MAPKAP1: variants seen among roughly 807,000 people sequenced by gnomAD.
MAPKAP1 encodes the protein target of rapamycin complex 2 subunit MAPKAP1.
Under a neutral mutation model 65.7 loss-of-function variants are expected in MAPKAP1, and 20 were observed. That is an observed-to-expected ratio of 0.30 (90% CI 0.21 to 0.44). The LOEUF (loss-of-function observed/expected upper bound fraction) is 0.44, where lower values mean the gene tolerates loss of function less well. MAPKAP1 is among the 20% of genes least tolerant of loss of function. The pLI is 1.00. For missense variants in MAPKAP1, 423 were observed against 648.0 expected (o/e 0.65, Z 3.77); for synonymous variants, 222 against 244.3 (o/e 0.91, Z 0.85).
intron 9 of MAPKAP1, among the ~76,000 whole-genome samples, chr9:125,474,191 G>A (rs1213967297): frequency 1.3e-5 from 2 of 152,134 alleles, no homozygotes; most frequent in South Asian, 2.1e-4. Context: ...TTCTCCCTGG[G>A]ACCTTCTCTA....
intron 4 of MAPKAP1, among the ~76,000 whole-genome samples, chr9:125,629,086 CACACA>C (rs1833197544): frequency 6.6e-6 from 1 of 150,404 alleles, no homozygotes; most frequent in South Asian, 2.1e-4. Context: ...CACACACACA[CACACA>C]CCAGAAAATA....
At position 125,698,278 on chromosome 9, in the gene MAPKAP1, AATATATATAAATATATATAT is replaced by A. The variant is rs1291045478; in HGVS notation, c.-70+8673_-70+8692del. On this transcript the variant is annotated intron_variant, in intron 1 of 11. Transcript: ENST00000265960. ...TAATTTATAAATATATATAATACAT[AATATATATAAATATATATAT>A]ATATATATATATATATATATATATA... 9.0e-4 allele frequency among the ~76,000 whole-genome samples: 24 copies of A among 26,610 alleles called. 1 individual carries two copies. The highest frequency in any genetic ancestry group is 4.4e-3 in the African/African-American group (17 of 3,878). 17.5% of individuals were successfully genotyped at this position (26,610 alleles called of 152,430 possible). A position where few individuals can be genotyped will look rare whatever the true frequency, so the allele number is the denominator to read the frequency against.
At chr9:125,657,081 T>C (rs930478966) in intron 4 of MAPKAP1, among the ~76,000 whole-genome samples, 11 of 152,172 alleles carry the variant, frequency 7.2e-5, no homozygotes, top group East Asian at 1.9e-4. Flanking sequence ...CAACAATTTC[T>C]ACAGTTATAA....
intron 7 of MAPKAP1, among the ~76,000 whole-genome samples, chr9:125,516,440 AAC>A (rs1829463847): frequency 6.6e-6 from 1 of 152,226 alleles, no homozygotes; most frequent in South Asian, 2.1e-4. Flanking sequence ...CCTTAAGAGT[AAC>A]AGAGCCTAAA....
chr9:125,625,203 C>T, intron 4 of MAPKAP1, among the ~76,000 whole-genome samples: 1 of 108,850 alleles, frequency 9.2e-6, no homozygotes, highest in East Asian at 2.9e-4. Flanking sequence ...CCTGCCAAAT[C>T]CCCCTCTGTG....
intron 4 of MAPKAP1, among the ~76,000 whole-genome samples, chr9:125,656,375 C>T (rs1247823868): frequency 1.3e-5 from 2 of 152,218 alleles, no homozygotes; most frequent in Admixed American, 6.5e-5. Context: ...TACATCAATA[C>T]AGTCTATAAC....
chr9:125,477,072 G>T (rs1854137989), intron 9 of MAPKAP1, among the ~76,000 whole-genome samples: 1 of 152,106 alleles, frequency 6.6e-6, no homozygotes, highest in Non-Finnish European at 1.5e-5. Context: ...ATACATACTG[G>T]ACAGTTTTAT....
At chr9:125,602,067 A>ATT (rs1832313883) in intron 4 of MAPKAP1, among the ~76,000 whole-genome samples, 1 of 152,104 alleles carries the variant, frequency 6.6e-6, no homozygotes, top group Admixed American at 6.6e-5. Context: ...AGCCAAGGCA[A>ATT]TATAAAGAGA....
At chr9:125,522,276 T>C (rs1472019571) in intron 7 of MAPKAP1, among the ~76,000 whole-genome samples, 1 of 152,246 alleles carries the variant, frequency 6.6e-6, no homozygotes, top group Non-Finnish European at 1.5e-5. Flanking sequence ...CAATCAACTA[T>C]AAACTTATCA....
chr9:125,598,630 A>G (rs1260014029), intron 4 of MAPKAP1, among the ~76,000 whole-genome samples: 1 of 152,220 alleles, frequency 6.6e-6, no homozygotes, highest in Admixed American at 6.5e-5. Context: ...ATTATAAGCA[A>G]TGCCACTTAC....
In MAPKAP1 at chr9:125,652,142, G is replaced by A. The variant is rs555075033; in HGVS notation, c.498+5509C>T. 28 of 1,306,284 alleles carry A rather than the reference G, an allele frequency of 2.1e-5. No individual in the cohort carries two copies. In the African/African-American group the frequency reaches 3.0e-4, roughly 14 times the overall value. 80.9% of individuals were successfully genotyped at this position (1,306,284 alleles called of 1,614,324 possible). A position where few individuals can be genotyped will look rare whatever the true frequency, so the allele number is the denominator to read the frequency against. Reference sequence around the variant, plus strand: ...CTTTTCTGAGTTTGCAACATTTCTCGGTGGCTTCATGCTTTTCTGCAAAGT... The same window carrying A: ...CTTTTCTGAGTTTGCAACATTTCTCAGTGGCTTCATGCTTTTCTGCAAAGT... On this transcript the variant is annotated intron_variant, in intron 4 of 11. Transcript: ENST00000265960.
chr9:125,562,995 G>A (rs562112668), intron 5 of MAPKAP1, among the ~76,000 whole-genome samples: 101 of 152,308 alleles, frequency 6.6e-4, no homozygotes, highest in African/African-American at 2.3e-3. Flanking sequence ...ACTTTGATGA[G>A]AAGAAGGAAA....
rs144963944 is a variant in MAPKAP1, at chr9:125,439,873, G to A, written c.1444-861C>T. Among the ~76,000 whole-genome samples the A allele has an allele frequency of 7.9e-4, 120 of 152,386 alleles. 3 individuals carry two copies. In the East Asian group the frequency reaches 0.02, roughly 25 times the overall value. On this transcript the variant is annotated intron_variant, in intron 11 of 11. Transcript: ENST00000265960. The surrounding 1 kb of genome is among the most constrained non-coding windows in gnomAD (Gnocchi z 4.0). ...CCAGCACTGCAGCAGGCAAAGAGGAGCATCAAGGAATGGGGCTGAGTATCA... is the reference window on the plus strand; with the variant it reads ...CCAGCACTGCAGCAGGCAAAGAGGAACATCAAGGAATGGGGCTGAGTATCA...
At position 125,649,418 on chromosome 9, in the gene MAPKAP1, C is replaced by T. The variant is rs186532717; in HGVS notation, c.498+8233G>A. On this transcript the variant is annotated intron_variant, in intron 4 of 11. Transcript: ENST00000265960. ...TCTGCCTCATTTAAAATTACTCTCTCGAAAATAAAAGAATAAAATTACCCT... is the reference window on the plus strand; with the variant it reads ...TCTGCCTCATTTAAAATTACTCTCTTGAAAATAAAAGAATAAAATTACCCT... Among the ~76,000 whole-genome samples, 365 of 152,256 alleles carry T rather than the reference C, an allele frequency of 2.4e-3. 2 individuals are homozygous for T. Among genetic ancestry groups the T allele is most frequent in the Admixed American group, 5.2e-3 (79 of 15,298 alleles).
At chr9:125,449,004 C>CAAAAAAAAAAAAAAAAA (rs11358978) in intron 10 of MAPKAP1, among the ~76,000 whole-genome samples, 1 of 89,056 alleles carries the variant, frequency 1.1e-5, no homozygotes, top group African/African-American at 4.0e-5. Context: ...GACTCTGTCT[C>CAAAAAAAAAAAAAAAAA]AAAAAAAAAA....
intron 1 of MAPKAP1, among the ~76,000 whole-genome samples, chr9:125,681,046 T>G (rs1834808062): frequency 6.6e-6 from 1 of 152,170 alleles, no homozygotes; most frequent in Non-Finnish European, 1.5e-5. Context: ...CTTCAGGAGG[T>G]AGGCATTAAT....
intron 1 of MAPKAP1, among the ~76,000 whole-genome samples, chr9:125,700,334 AT>A (rs1028523909): frequency 2.0e-5 from 3 of 152,016 alleles, no homozygotes; most frequent in Admixed American, 6.6e-5. Flanking sequence ...GGAAAATGTT[AT>A]TTTTTTTGAA....
intron 10 of MAPKAP1, among the ~76,000 whole-genome samples, 158 bp downstream of exon 10, chr9:125,467,814 A>G (rs1853735785): frequency 2.0e-5 from 3 of 152,202 alleles, no homozygotes; most frequent in African/African-American, 7.2e-5. Flanking sequence ...GGGCACCATA[A>G]TACAATCCCG....
At chr9:125,450,833 G>C (rs545556046) in intron 10 of MAPKAP1, among the ~76,000 whole-genome samples, 3 of 152,126 alleles carry the variant, frequency 2.0e-5, no homozygotes, top group Non-Finnish European at 2.9e-5. Context: ...GGAAATGCTG[G>C]ACTGGGGTTC....
Sources: allele counts gnomAD v4.1 joint callset (sites outside exome capture counted in the v4.1 genomes callset), GRCh38; gene constraint gnomAD v4.1.1; non-coding constraint Gnocchi (gnomAD v3.1); transcripts MANE v1.5; gene names NCBI Gene and HGNC (gene_info 2026-07-23, HGNC 2026-07-21).